Variants in COL22A1 observed in about 807,000 individuals in gnomAD.
COL22A1 encodes the protein collagen type XXII alpha 1 chain, also known as collagen alpha-1(XXII) chain.
In COL22A1, 221 loss-of-function variants were observed where a neutral mutation model predicts 248.9. The ratio of observed to expected loss-of-function variants is 0.89; its 90% confidence interval spans 0.80 to 0.99. The LOEUF is 0.99. Ranked by LOEUF, COL22A1 falls within the 50% of genes least tolerant of loss-of-function variation. COL22A1 has a pLI of 0.00. For synonymous variants in COL22A1, 891 were observed against 793.4 expected (o/e 1.12, Z -2.07); for missense variants, 2,240 against 2,179.0 (o/e 1.03, Z -0.56).
intron 3 of COL22A1, among the ~76,000 whole-genome samples, chr8:138,867,030 C>A (rs1822949306): frequency 6.6e-6 from 1 of 152,132 alleles, no homozygotes. Context: ...TCAGTCATCA[C>A]CTCAGAGTAT....
At chr8:138,651,545 T>G (rs1000828614) in intron 45 of COL22A1, among the ~76,000 whole-genome samples, 1 of 152,210 alleles carries the variant, frequency 6.6e-6, no homozygotes, top group Non-Finnish European at 1.5e-5. Context: ...AGTTAAATAC[T>G]GGGATATATA....
In COL22A1 at chr8:138,681,205, A is replaced by G. The variant is rs530844780; in HGVS notation, c.3013-1529T>C. Among the ~76,000 whole-genome samples, 4 of 152,322 alleles carry G rather than the reference A, an allele frequency of 2.6e-5. No individual in the cohort carries two copies. In the East Asian group the frequency reaches 7.7e-4, roughly 29 times the overall value. On this transcript the variant is annotated intron_variant, in intron 39 of 64. Coordinates refer to ENST00000303045, the MANE Select transcript of COL22A1 (RefSeq NM_152888.3). ...GGGTGATCTAATAATAAGGATCATG[A>G]ATATTTACTGAGCAGGTAACTGTGA... is the stretch of plus-strand genomic sequence containing the variant.
chr8:138,760,266 C>G lies in COL22A1; in HGVS notation c.1879G>C (p.Val627Leu). The change falls in exon 18 of 65, where the codon GTG becomes CTG. Residue 627 changes from valine to leucine, a missense_variant. Coordinates refer to ENST00000303045, the MANE Select transcript of COL22A1 (RefSeq NM_152888.3). ...GQQGRPGPSG[V>L]AGPQGEKGDV... ...ACCTTTTCTCCCTGGGGTCCTGCCA[C>G]ACCAGAAGGGCCGGGCCTGCCCTGG... is the stretch of plus-strand genomic sequence containing the variant. 4 of 1,597,354 alleles carry G rather than the reference C, an allele frequency of 2.5e-6. No homozygotes were observed. The highest frequency in any genetic ancestry group is 3.4e-6 in the Non-Finnish European group (4 of 1,172,202).
At chr8:138,764,663 C>T (rs76157246) in intron 16 of COL22A1, among the ~76,000 whole-genome samples, 8,756 of 152,324 alleles carry the variant, frequency 0.057, 383 homozygotes, top group Non-Finnish European at 0.084. Flanking sequence ...CAATTATACA[C>T]TAATCTTTTA....
intron 41 of COL22A1, among the ~76,000 whole-genome samples, chr8:138,665,875 G>A (rs542200873): frequency 8.9e-4 from 135 of 152,276 alleles, no homozygotes; most frequent in African/African-American, 3.1e-3. Flanking sequence ...AAGAGCCAGA[G>A]TACATTTTTA....
intron 12 of COL22A1, among the ~76,000 whole-genome samples, chr8:138,792,397 G>A (rs1335920256): frequency 2.6e-5 from 4 of 152,214 alleles, no homozygotes; most frequent in African/African-American, 9.6e-5. Context: ...ATCTGCCTCA[G>A]GTGAGCCTGC....
intron 1 of COL22A1, among the ~76,000 whole-genome samples, chr8:138,909,324 T>A (rs1164332330): frequency 2.0e-5 from 3 of 152,128 alleles, no homozygotes; most frequent in Non-Finnish European, 4.4e-5. Context: ...CTCAATTTTT[T>A]AAATGAGATT....
intron 3 of COL22A1, among the ~76,000 whole-genome samples, chr8:138,855,395 A>C (rs1312547943): frequency 6.6e-6 from 1 of 152,178 alleles, no homozygotes; most frequent in Non-Finnish European, 1.5e-5. Flanking sequence ...TTTGATCCCA[A>C]GTGGCAGCAG....
At chr8:138,604,620 G>A (rs1442823899) in intron 59 of COL22A1, 114 bp downstream of exon 59, 2 of 846,082 alleles carry the variant, frequency 2.4e-6, no homozygotes, top group Non-Finnish European at 3.9e-6. Flanking sequence ...AAACAGTGAA[G>A]GTAGAGAGTG....
intron 3 of COL22A1, among the ~76,000 whole-genome samples, chr8:138,857,505 G>A (rs72731636): frequency 0.16 from 24,317 of 152,130 alleles, 2,140 homozygotes; most frequent in South Asian, 0.25. Context: ...CCTGAGGCTC[G>A]GAGGGAATCG....
At chr8:138,733,652 G>T (rs4577991) in intron 23 of COL22A1, among the ~76,000 whole-genome samples, 2,948 of 152,290 alleles carry the variant, frequency 0.019, 79 homozygotes, top group African/African-American at 0.065. Flanking sequence ...TTCCAGGTCA[G>T]TGTCAAGATC....
chr8:138,859,617 AG>A (rs1289975117), intron 3 of COL22A1, among the ~76,000 whole-genome samples: 6 of 152,040 alleles, frequency 3.9e-5, no homozygotes, highest in Admixed American at 6.5e-5. Flanking sequence ...AGACCTAGAG[AG>A]GGCAAGTGAG....
At chr8:138,615,548 AT>A (rs1431762106) in intron 55 of COL22A1, among the ~76,000 whole-genome samples, 21 of 75,768 alleles carry the variant, frequency 2.8e-4, no homozygotes, top group South Asian at 2.6e-3. Context: ...AAAAAAAAAA[AT>A]TTTTTTTTTC....
chr8:138,847,048 C>T (rs1821297754), intron 3 of COL22A1, among the ~76,000 whole-genome samples: 1 of 152,140 alleles, frequency 6.6e-6, no homozygotes, highest in African/African-American at 2.4e-5. Context: ...CCATTTATCC[C>T]AGCCTGGGTA....
intron 1 of COL22A1, among the ~76,000 whole-genome samples, chr8:138,907,418 G>A (rs949916471): frequency 5.9e-5 from 9 of 152,232 alleles, no homozygotes. Flanking sequence ...CTCTTGAAAG[G>A]TTCTGTCTGA....
chr8:138,868,291 G>A (rs559075510), intron 3 of COL22A1, among the ~76,000 whole-genome samples: 2 of 152,122 alleles, frequency 1.3e-5, no homozygotes, highest in East Asian at 1.9e-4. Flanking sequence ...TTCTCAAAGC[G>A]GGCAACATCA....
At chr8:138,629,397 C>A (rs182073638) in intron 50 of COL22A1, among the ~76,000 whole-genome samples, 1 of 151,680 alleles carries the variant, frequency 6.6e-6, no homozygotes, top group Admixed American at 6.6e-5. Flanking sequence ...CAGGTGATCT[C>A]CCCACCTTGG....
intron 49 of COL22A1, among the ~76,000 whole-genome samples, chr8:138,634,430 C>A (rs1820976403): frequency 6.6e-6 from 1 of 151,974 alleles, no homozygotes; most frequent in African/African-American, 2.4e-5. Flanking sequence ...GCCATGGCTA[C>A]CCATGATGGA....
chr8:138,760,166 C>G, intron 18 of COL22A1, 77 bp downstream of exon 18: 1 of 1,288,820 alleles, frequency 7.8e-7, no homozygotes, highest in Non-Finnish European at 1.0e-6. Flanking sequence ...TTCCCTGAGC[C>G]TGGTTTGCCA....
Sources: gnomAD v4.1 joint callset for allele counts (sites outside exome capture counted in the v4.1 genomes callset) on GRCh38, gnomAD v4.1.1 for gene constraint, MANE v1.5 for transcripts, NCBI Gene and HGNC (gene_info 2026-07-23, HGNC 2026-07-21) for gene names.